The following TBK1 variants were observed in gnomAD, a reference collection of about 807,000 sequenced individuals.
TBK1 encodes TANK binding kinase 1, also known as serine/threonine-protein kinase TBK1.
TBK1 carries 37 observed loss-of-function variants against 99.9 expected under a neutral mutation model. The observed-to-expected ratio is 0.37, with a 90% CI of 0.28 to 0.49. The LOEUF (loss-of-function observed/expected upper bound fraction) is 0.49. Ranked by LOEUF, TBK1 falls within the 20% of genes least tolerant of loss-of-function variation. The pLI, the probability that TBK1 is intolerant of heterozygous loss-of-function variation, is 0.98. For synonymous variants in TBK1, 258 were observed against 279.8 expected, an observed-to-expected ratio of 0.92 and a Z score of 0.78; for missense variants, 644 against 872.5, an observed-to-expected ratio of 0.74 and a Z score of 3.30.
At chr12:64,491,730 A>G (rs1375466823) in intron 13 of TBK1, among the ~76,000 whole-genome samples, 2 of 152,228 alleles carry the variant, frequency 1.3e-5, no homozygotes, top group African/African-American at 4.8e-5. Flanking sequence ...TTGATACGAT[A>G]TCCTTTTCAC....
chr12:64,497,657 A>C lies in TBK1; in HGVS notation c.1969A>C (p.Thr657Pro). 2 of 1,576,424 alleles carry C rather than the reference A, an allele frequency of 1.3e-6. No individual in the cohort carries two copies. The highest frequency in any genetic ancestry group is 1.7e-6 in the Non-Finnish European group (2 of 1,168,156). The change falls in exon 19 of 21, where the codon ACT becomes CCT. Residue 657 changes from threonine (T) to proline (P), a missense_variant. Physicochemically the swap from Thr to Pro is conservative, Grantham distance 38 (BLOSUM62 -1). Transcript: ENST00000331710. ...TTTTTTGATGTTTCAGTTACAAGAA[A>C]CTCTGCCTCAGAAAATGTTTACAGC... ...YQEYTNELQETLPQKMFTASS... is the reference protein window; with the variant it reads ...YQEYTNELQEPLPQKMFTASS...
chr12:64,485,578 C>A, intron 10 of TBK1, 65 bp downstream of exon 10: 1 of 800,190 alleles, frequency 1.2e-6, no homozygotes, highest in Non-Finnish European at 2.0e-6. Context: ...ATAGTGGAAG[C>A]AATAACATGT....
chr12:64,492,056 G>C (rs1361504054), intron 13 of TBK1, among the ~76,000 whole-genome samples: 2 of 152,156 alleles, frequency 1.3e-5, no homozygotes, highest in Non-Finnish European at 2.9e-5. Context: ...TTAAAAGTCA[G>C]AAAGCACAAA....
intron 4 of TBK1, among the ~76,000 whole-genome samples, chr12:64,465,367 A>G (rs1263430755): frequency 6.6e-6 from 1 of 152,138 alleles, no homozygotes; most frequent in Non-Finnish European, 1.5e-5. Flanking sequence ...TTCCTCAAAA[A>G]GTTAAATATA....
intron 13 of TBK1, among the ~76,000 whole-genome samples, chr12:64,491,733 C>G (rs557899059): frequency 6.6e-6 from 1 of 152,256 alleles, no homozygotes; most frequent in Admixed American, 6.5e-5. Context: ...ATACGATATC[C>G]TTTTCACTTT....
intron 5 of TBK1, among the ~76,000 whole-genome samples, chr12:64,467,927 G>T (rs1229627045): frequency 2.6e-5 from 4 of 152,162 alleles, no homozygotes; most frequent in South Asian, 2.1e-4. Context: ...AGACACAGTG[G>T]CTCATGCCTA....
chr12:64,461,580 G>T (rs979236244), intron 3 of TBK1, among the ~76,000 whole-genome samples: 6 of 152,210 alleles, frequency 3.9e-5, no homozygotes, highest in Non-Finnish European at 7.3e-5. Context: ...ATGTGTGGCA[G>T]ATAGTTACCT....
intron 2 of TBK1, among the ~76,000 whole-genome samples, chr12:64,458,435 ATATG>A (rs1205518356): frequency 1.3e-5 from 2 of 151,624 alleles, no homozygotes; most frequent in African/African-American, 2.4e-5. Flanking sequence ...GGGTGTGTGT[ATATG>A]TGTGTGATTA....
At chr12:64,473,103 G>A (rs1049392251) in intron 5 of TBK1, among the ~76,000 whole-genome samples, 7 of 152,214 alleles carry the variant, frequency 4.6e-5, no homozygotes, top group Non-Finnish European at 7.3e-5. Context: ...AGCTAGATAT[G>A]TGGTGGTATT....
At chr12:64,496,557 T>G in intron 16 of TBK1, 151 bp downstream of exon 16, 1 of 493,278 alleles carries the variant, frequency 2.0e-6, no homozygotes, top group Non-Finnish European at 3.5e-6. Context: ...TAGACATTTT[T>G]GAGGTTCACA....
At chr12:64,462,606 G>A (rs1298007678) in intron 3 of TBK1, among the ~76,000 whole-genome samples, 2 of 151,272 alleles carry the variant, frequency 1.3e-5, no homozygotes, top group Admixed American at 6.6e-5. Flanking sequence ...TTTCTACTAT[G>A]ATTATTTCTC....
At chr12:64,498,636 T>G (rs1432789660) in intron 20 of TBK1, among the ~76,000 whole-genome samples, 2 of 152,216 alleles carry the variant, frequency 1.3e-5, no homozygotes, top group Non-Finnish European at 2.9e-5. Context: ...CTATAGGTTC[T>G]CAAACGCTTG....
At position 64,452,166 on chromosome 12, in the gene TBK1, G is replaced by A. The variant is rs893022459; in HGVS notation, c.-53G>A. On this transcript the variant is annotated 5_prime_UTR_variant, in exon 1 of 21. Coordinates refer to ENST00000331710, the MANE Select transcript of TBK1 (RefSeq NM_013254.4). ...GAGGCCGCGGGAGCCCGCCGGCGGT[G>A]GCGCGGCGGAGACCCGGCTGGGTAA... The A allele has an allele frequency of 1.3e-5, 2 of 152,302 alleles. No individual in the cohort carries two copies. The highest frequency in any genetic ancestry group is 4.8e-5 in the African/African-American group (2 of 41,448). 9.4% of individuals were successfully genotyped at this position (152,302 alleles called of 1,614,324 possible). A position where few individuals can be genotyped will look rare whatever the true frequency, so the allele number is the denominator to read the frequency against.
At chr12:64,494,444 A>C (rs1395280417) in intron 13 of TBK1, among the ~76,000 whole-genome samples, 1 of 152,188 alleles carries the variant, frequency 6.6e-6, no homozygotes, top group African/African-American at 2.4e-5. Flanking sequence ...GCACCACTGC[A>C]CTCCAGCCTA....
At chr12:64,471,121 C>G (rs1003108574) in intron 5 of TBK1, among the ~76,000 whole-genome samples, 2 of 152,110 alleles carry the variant, frequency 1.3e-5, no homozygotes, top group East Asian at 1.9e-4. Flanking sequence ...AATTCTCTCT[C>G]TTTTGTATGT....
intron 8 of TBK1, among the ~76,000 whole-genome samples, chr12:64,482,544 A>G (rs1025262456): frequency 6.6e-6 from 1 of 152,218 alleles, no homozygotes; most frequent in Non-Finnish European, 1.5e-5. Flanking sequence ...AAAAAAAACT[A>G]CCCATGTGAT....
Position 64,455,825 on chromosome 12 carries a change from T to A in TBK1, c.-31-15T>A, listed in dbSNP as rs1565810411. 2.0e-6 allele frequency: 3 copies of A among 1,494,582 alleles called. 1 individual carries two copies. In the Middle Eastern group the frequency reaches 5.3e-4, roughly 263 times the overall value. 92.6% of individuals were successfully genotyped at this position (1,494,582 alleles called of 1,614,324 possible). A position where few individuals can be genotyped will look rare whatever the true frequency, so the allele number is the denominator to read the frequency against. On this transcript the variant is annotated splice_polypyrimidine_tract_variant and intron_variant, in intron 1 of 20. Coordinates refer to ENST00000331710, the MANE Select transcript of TBK1 (RefSeq NM_013254.4). The stretch of plus-strand genomic sequence containing the variant: ...CTCCCTTAAAACATAGTTGCAAATT[T>A]TTTTTTTCTCTTAGTATAACAAGAG...
chr12:64,495,120 G>A (rs1166240875), intron 13 of TBK1, among the ~76,000 whole-genome samples: 1 of 152,090 alleles, frequency 6.6e-6, no homozygotes, highest in Non-Finnish European at 1.5e-5. Context: ...GTTGATATTT[G>A]GAACTATTCT....
chr12:64,457,245 A>G (rs370981973), intron 2 of TBK1, among the ~76,000 whole-genome samples: 2 of 152,190 alleles, frequency 1.3e-5, no homozygotes, highest in South Asian at 4.1e-4. Context: ...TATTGACTAT[A>G]AACACCCTTT....
Sources: gnomAD v4.1 joint callset for allele counts (sites outside exome capture counted in the v4.1 genomes callset) on GRCh38, gnomAD v4.1.1 for gene constraint, MANE v1.5 for transcripts, NCBI Gene and HGNC (gene_info 2026-07-23, HGNC 2026-07-21) for gene names.